NSD1: variants seen among roughly 807,000 people sequenced by gnomAD.
NSD1 encodes the protein histone-lysine N-methyltransferase, H3 lysine-36 specific.
Under a neutral mutation model 242.7 loss-of-function variants are expected in NSD1, and 26 were observed. The ratio of observed to expected loss-of-function variants is 0.11; its 90% confidence interval spans 0.08 to 0.15. The LOEUF is 0.15. Ranked by LOEUF, NSD1 falls within the 10% of genes least tolerant of loss-of-function variation. NSD1 has a pLI of 1.00. For missense variants in NSD1, 2,495 were observed against 3,272.8 expected (o/e 0.76, Z 5.80); for synonymous variants, 1,106 against 1,178.1 (o/e 0.94, Z 1.25).
intron 5 of NSD1, among the ~76,000 whole-genome samples, chr5:177,221,711 C>T (rs567025704): frequency 6.6e-6 from 1 of 151,866 alleles, no homozygotes; most frequent in Non-Finnish European, 1.5e-5. Context: ...CCTTATGATC[C>T]GTCCATGTTA....
At chr5:177,154,752 A>G (rs1431065260) in intron 2 of NSD1, among the ~76,000 whole-genome samples, 12 of 152,166 alleles carry the variant, frequency 7.9e-5, no homozygotes, top group South Asian at 4.1e-4. Context: ...CTGGAATGCA[A>G]TGGTGCGATC....
chr5:177,165,141 AAT>A (rs1345248901), intron 2 of NSD1, among the ~76,000 whole-genome samples: 4 of 152,106 alleles, frequency 2.6e-5, no homozygotes, highest in African/African-American at 9.7e-5. Context: ...TTCAAAATTA[AAT>A]AAGTTACAGT....
chr5:177,236,790 A>G (rs1300630313), intron 6 of NSD1, among the ~76,000 whole-genome samples: 2 of 152,240 alleles, frequency 1.3e-5, no homozygotes, highest in African/African-American at 4.8e-5. Context: ...TATATTGTAC[A>G]TTAGAGGGTT....
intron 5 of NSD1, among the ~76,000 whole-genome samples, chr5:177,232,870 G>A (rs1167695076): frequency 6.6e-6 from 1 of 152,162 alleles, no homozygotes; most frequent in East Asian, 1.9e-4. Context: ...ACTAGACAGT[G>A]GTGTAAGTGT....
At chr5:177,197,788 A>G (rs920035771) in intron 3 of NSD1, among the ~76,000 whole-genome samples, 1 of 152,148 alleles carries the variant, frequency 6.6e-6, no homozygotes, top group Non-Finnish European at 1.5e-5. Context: ...GATGTGGTCA[A>G]TTTTGCTGAG....
At chr5:177,167,391 C>T (rs1416693144) in intron 2 of NSD1, among the ~76,000 whole-genome samples, 17 of 152,082 alleles carry the variant, frequency 1.1e-4, no homozygotes, top group African/African-American at 4.1e-4. Context: ...CAAAATTAGC[C>T]AGGCTTGGTG....
intron 2 of NSD1, among the ~76,000 whole-genome samples, chr5:177,159,007 T>TATATATATATATGAATG (rs1758480542): frequency 4.3e-5 from 4 of 93,036 alleles, no homozygotes; most frequent in African/African-American, 2.1e-4. Flanking sequence ...TTTATATATA[T>TATATATATATATGAATG]ATATATATAT....
chr5:177,153,918 AC>A, intron 2 of NSD1, among the ~76,000 whole-genome samples: 1 of 152,076 alleles, frequency 6.6e-6, no homozygotes, highest in East Asian at 1.9e-4. Context: ...TGCGTAACAG[AC>A]CCCTAAGTGT....
At position 177,299,434 on chromosome 5, in the gene NSD1, G is replaced by C. The variant is rs1005653600; in HGVS notation, c.*3975G>C. 8.6e-6 allele frequency: 2 copies of C among 233,124 alleles called. No homozygotes were observed. Among genetic ancestry groups the C allele is most frequent in the Non-Finnish European group, 1.7e-5 (2 of 118,052 alleles). The allele number at this position is 233,124 out of a possible 1,614,324, so 14.4% of individuals were successfully genotyped here. On this transcript the variant is annotated 3_prime_UTR_variant, in exon 23 of 23. Coordinates refer to ENST00000439151, the MANE Select transcript of NSD1 (RefSeq NM_022455.5). The stretch of plus-strand genomic sequence containing the variant: ...GAAGGTGGCCATTGAGTTTCTCAGG[G>C]CTGGGGCCACCTTGTCCATAGCCTC...
intron 14 of NSD1, chr5:177,264,679 C>A (rs780376917): frequency 2.5e-5 from 13 of 513,136 alleles, no homozygotes; most frequent in Non-Finnish European, 4.6e-5. Flanking sequence ...AATAAAACTC[C>A]CACTCTTATT....
At chr5:177,190,966 C>CAT in intron 2 of NSD1, among the ~76,000 whole-genome samples, 1 of 127,372 alleles carries the variant, frequency 7.9e-6, no homozygotes, top group African/African-American at 3.1e-5. Context: ...TGCACCCAGC[C>CAT]TTTTTTTTTT....
chr5:177,273,558 T>C (rs1758116326), intron 16 of NSD1, 114 bp from the exon 17 acceptor site: 1 of 817,852 alleles, frequency 1.2e-6, no homozygotes, highest in South Asian at 1.4e-5. Context: ...TGGTCGATTT[T>C]TGTGTAAAAC....
At chr5:177,253,684 G>A (rs962852811) in intron 12 of NSD1, among the ~76,000 whole-genome samples, 1 of 151,722 alleles carries the variant, frequency 6.6e-6, no homozygotes, top group Non-Finnish European at 1.5e-5. Context: ...CTAGTCTGGA[G>A]TACAGTGATA....
intron 2 of NSD1, among the ~76,000 whole-genome samples, chr5:177,160,333 G>A (rs1338307919): frequency 1.3e-5 from 2 of 151,800 alleles, no homozygotes; most frequent in African/African-American, 2.4e-5. Flanking sequence ...TTGAGACAGA[G>A]TTTCACTCTG....
At chr5:177,270,033 T>C (rs1757825409) in intron 16 of NSD1, among the ~76,000 whole-genome samples, 1 of 152,176 alleles carries the variant, frequency 6.6e-6, no homozygotes, top group South Asian at 2.1e-4. Context: ...TTTTTTGACT[T>C]ATCAGTTGTT....
At chr5:177,190,589 C>T (rs891573966) in intron 2 of NSD1, among the ~76,000 whole-genome samples, 1 of 152,116 alleles carries the variant, frequency 6.6e-6, no homozygotes, top group Non-Finnish European at 1.5e-5. Flanking sequence ...TGTGCCTGGC[C>T]CCTTAGAGCT....
rs749488131 is a variant in NSD1 at position 177,211,220 on chromosome 5, C to T, written c.2821C>T (p.Arg941Cys). 48 of 1,613,842 alleles carry T rather than the reference C, an allele frequency of 3.0e-5. No homozygotes were observed. The highest frequency in any genetic ancestry group is 4.1e-5 in the Non-Finnish European group (48 of 1,179,966). The change falls in exon 5 of 23, where the codon CGT (arginine) becomes TGT (cysteine). Residue 941 changes from arginine (R) to cysteine (C), a missense_variant. This residue lies in a region of NSD1 where 121 missense variants were observed against 167.2 expected (regional missense o/e 0.72). Transcript: ENST00000439151. Reference protein sequence around the residue: ...QNLVSYRSPGRGDCSTNSPVG... With the variant: ...QNLVSYRSPGCGDCSTNSPVG... ...CCTGGTCTCTTACCGGAGTCCTGGT[C>T]GTGGGGACTGTTCTACTAATAGTCC... is the stretch of plus-strand genomic sequence containing the variant.
At chr5:177,222,101 G>T (rs953856917) in intron 5 of NSD1, among the ~76,000 whole-genome samples, 3 of 151,302 alleles carry the variant, frequency 2.0e-5, no homozygotes, top group African/African-American at 4.9e-5. Context: ...GTGAGCCATC[G>T]CACCCGGCCC....
At chr5:177,141,168 C>T (rs1008910057) in intron 2 of NSD1, among the ~76,000 whole-genome samples, 6 of 151,668 alleles carry the variant, frequency 4.0e-5, no homozygotes, top group Non-Finnish European at 7.4e-5. Flanking sequence ...ATTACAGGCG[C>T]CCGCCACCGC....
Sources: allele counts gnomAD v4.1 joint callset (sites outside exome capture counted in the v4.1 genomes callset), GRCh38; gene constraint gnomAD v4.1.1; regional missense constraint gnomAD v4.1.1; transcripts MANE v1.5; gene names NCBI Gene and HGNC (gene_info 2026-07-23, HGNC 2026-07-21).